ACTR5: variants seen among roughly 807,000 people sequenced by gnomAD.
The protein encoded by ACTR5 is actin related protein 5.
ACTR5 carries 43 observed loss-of-function variants against 61.2 expected under a neutral mutation model. That is an observed-to-expected ratio of 0.70 (90% CI 0.55 to 0.91). ACTR5 has a LOEUF of 0.91. Ranked by LOEUF, ACTR5 falls within the 40% of genes least tolerant of loss-of-function variation. The pLI is 0.00. For synonymous variants in ACTR5, 333 were observed against 310.5 expected, an observed-to-expected ratio of 1.07 and a Z score of -0.76; for missense variants, 798 against 782.2, an observed-to-expected ratio of 1.02 and a Z score of -0.24.
chr20:38,762,010 C>A (rs893020257), intron 5 of ACTR5, among the ~76,000 whole-genome samples: 5 of 152,186 alleles, frequency 3.3e-5, no homozygotes, highest in Admixed American at 2.0e-4. Context: ...GCTACAAAAA[C>A]CATTCCAAAC....
In ACTR5 at chr20:38,771,824, C is replaced by G. The variant is rs2084522093; in HGVS notation, c.*8C>G. On this transcript the variant is annotated 3_prime_UTR_variant, in exon 9 of 9. Coordinates refer to ENST00000243903, the MANE Select transcript of ACTR5 (RefSeq NM_024855.4). ...GCTGGTGAGCAGGCATAGCAGAGGC[C>G]CTCCAGAGAGACTGCCCTGCACGCC... 6.2e-7 allele frequency: 1 copy of G among 1,607,466 alleles called. No individual in the cohort carries two copies. The highest frequency in any genetic ancestry group is 8.5e-7 in the Non-Finnish European group (1 of 1,178,398).
At chr20:38,765,770 A>T (rs1052056334) in intron 6 of ACTR5, among the ~76,000 whole-genome samples, 10 of 152,206 alleles carry the variant, frequency 6.6e-5, no homozygotes, top group African/African-American at 2.2e-4. Context: ...GGAACTTGAG[A>T]TCTGAATACT....
intron 5 of ACTR5, among the ~76,000 whole-genome samples, chr20:38,759,387 A>G (rs2084440202): frequency 6.6e-6 from 1 of 152,370 alleles, no homozygotes; most frequent in Non-Finnish European, 1.5e-5. Flanking sequence ...GAGAGAAGCC[A>G]GCCGTGGCAG....
chr20:38,753,751 T>TTA, intron 3 of ACTR5, among the ~76,000 whole-genome samples: 1 of 152,330 alleles, frequency 6.6e-6, no homozygotes, highest in Non-Finnish European at 1.5e-5. Context: ...ACTAAACCAT[T>TTA]TATAATTAGT....
chr20:38,758,845 T>C (rs377226045), intron 5 of ACTR5, among the ~76,000 whole-genome samples: 9 of 152,328 alleles, frequency 5.9e-5, no homozygotes, highest in African/African-American at 1.2e-4. Flanking sequence ...TTAGAATGAA[T>C]TGAATCAATA....
At chr20:38,755,336 A>C (rs2084413738) in intron 4 of ACTR5, among the ~76,000 whole-genome samples, 162 bp downstream of exon 4, 1 of 152,236 alleles carries the variant, frequency 6.6e-6, no homozygotes, top group South Asian at 2.1e-4. Context: ...TACAGTGTAG[A>C]AGCAGCTGTT....
At position 38,748,725 on chromosome 20, in the gene ACTR5, G is replaced by A. The variant is rs777873145; in HGVS notation, c.247G>A (p.Ala83Thr). 3 of 1,563,474 alleles carry A rather than the reference G, an allele frequency of 1.9e-6. No homozygotes were observed. Among genetic ancestry groups the A allele is most frequent in the South Asian group, 1.2e-5 (1 of 86,124 alleles). The change falls in exon 1 of 9, where the codon GCT (alanine) becomes ACT (threonine). Residue 83 changes from alanine to threonine, a missense_variant. Ala to Thr is a moderately conservative substitution (Grantham distance 58). Transcript: ENST00000243903. ...RGASGPQVGN[A>T]LGSLEPLRWM... ...CGCGTCGGGCCCGCAGGTGGGGAAC[G>A]CTCTGGGCAGCCTGGAGCCACTGCG...
In ACTR5 at chr20:38,759,220, T is replaced by G. The variant is rs147720009; in HGVS notation, c.1176+3181T>G. ...GCCAAGATCAGGGTTGGCCTCTGCT[T>G]CTTCTTATGCCGCTCAAGGCTGTTT... On this transcript the variant is annotated intron_variant, in intron 5 of 8. Coordinates refer to ENST00000243903, the MANE Select transcript of ACTR5 (RefSeq NM_024855.4). Among the ~76,000 whole-genome samples, 416 of 152,340 alleles carry G rather than the reference T, an allele frequency of 2.7e-3. 2 individuals are homozygous for G. Among genetic ancestry groups the G allele is most frequent in the Non-Finnish European group, 4.8e-3 (326 of 68,038 alleles).
Position 38,756,045 on chromosome 20 carries a change from T to C in ACTR5, c.1176+6T>C. ...TGGTAGACAGCAAGCCAGAGGTAAC[T>C]TAGGGCCTTGGAAGGAGCAGCCCTT... On this transcript the variant is annotated splice_donor_region_variant and intron_variant, in intron 5 of 8. Transcript: ENST00000243903. 6.2e-7 allele frequency: 1 copy of C among 1,609,400 alleles called. No homozygotes were observed. Among genetic ancestry groups the C allele is most frequent in the Non-Finnish European group, 8.5e-7 (1 of 1,178,700 alleles).
rs1370365616 is a variant in ACTR5 at position 38,771,708 on chromosome 20, C to T, written c.1716C>T (p.Asn572=). ...ACCTCAAGGAGCACTGTGCTTCCAA[C>T]ATCTATGTCCCCATCCGCCTGCCGA... is the stretch of plus-strand genomic sequence containing the variant. ...GEYLKEHCAS[N]IYVPIRLPKQ... Residue 572 remains asparagine (N), a synonymous_variant, in exon 9 of 9, where the codon AAC becomes AAT. Coordinates refer to ENST00000243903, the MANE Select transcript of ACTR5 (RefSeq NM_024855.4). 6.2e-7 allele frequency: 1 copy of T among 1,614,112 alleles called. No homozygotes were observed. The highest frequency in any genetic ancestry group is 8.5e-7 in the Non-Finnish European group (1 of 1,180,038).
chr20:38,749,099 C>T (rs892806176), intron 1 of ACTR5, among the ~76,000 whole-genome samples: 12 of 152,202 alleles, frequency 7.9e-5, no homozygotes, highest in Admixed American at 3.9e-4. Flanking sequence ...ACGTATTGAG[C>T]ACTTACTCTG....
intron 5 of ACTR5, among the ~76,000 whole-genome samples, chr20:38,757,302 C>T (rs948426650): frequency 6.6e-6 from 1 of 152,164 alleles, no homozygotes; most frequent in African/African-American, 2.4e-5. Context: ...GGGCAGCCTG[C>T]AGGTCACTCC....
At chr20:38,766,105 G>A in intron 6 of ACTR5, 133 bp from the exon 7 acceptor site, 1 of 962,490 alleles carries the variant, frequency 1.0e-6, no homozygotes, top group Non-Finnish European at 1.5e-6. Flanking sequence ...GGTCAAGAGA[G>A]TTGGGAGAAG....
In ACTR5 at chr20:38,771,724, C is replaced by G. The variant is rs377609885; in HGVS notation, c.1732C>G (p.Arg578Gly). ...HCASNIYVPIRLPKQASRSSD... is the reference protein window; with the variant it reads ...HCASNIYVPIGLPKQASRSSD... ...TGCTTCCAACATCTATGTCCCCATC[C>G]GCCTGCCGAAGCAGGCCTCCCGCTC... The change falls in exon 9 of 9, where the codon CGC becomes GGC. Residue 578 changes from arginine (R) to glycine (G), a missense_variant. Physicochemically the swap from Arg to Gly is moderately radical, Grantham distance 125. Coordinates refer to ENST00000243903, the MANE Select transcript of ACTR5 (RefSeq NM_024855.4). 3 of 1,614,178 alleles carry G rather than the reference C, an allele frequency of 1.9e-6. No homozygotes were observed. Among genetic ancestry groups the G allele is most frequent in the Admixed American group, 1.7e-5 (1 of 60,020 alleles).
intron 6 of ACTR5, among the ~76,000 whole-genome samples, 162 bp downstream of exon 6, chr20:38,765,680 T>G (rs1282746813): frequency 6.6e-6 from 1 of 152,238 alleles, no homozygotes; most frequent in Non-Finnish European, 1.5e-5. Context: ...CCCCGGTGAT[T>G]GATCGATTGG....
intron 8 of ACTR5, among the ~76,000 whole-genome samples, 180 bp from the exon 9 acceptor site, chr20:38,771,379 G>A (rs150868322): frequency 6.6e-6 from 1 of 152,336 alleles, no homozygotes; most frequent in African/African-American, 2.4e-5. Flanking sequence ...GGAGAGTCTG[G>A]GCATTCCAGC....
intron 4 of ACTR5, 150 bp downstream of exon 4, chr20:38,755,324 A>G (rs1182538373): frequency 1.3e-6 from 1 of 790,482 alleles, no homozygotes; most frequent in East Asian, 2.7e-5. Context: ...ATCAGCATAG[A>G]ATACAGTGTA....
At chr20:38,769,601 A>G (rs948202039) in intron 8 of ACTR5, among the ~76,000 whole-genome samples, 2 of 152,108 alleles carry the variant, frequency 1.3e-5, no homozygotes. Flanking sequence ...TTCCATTTCC[A>G]GGGTGGGTTG....
At chr20:38,762,006 A>C (rs2084457905) in intron 5 of ACTR5, among the ~76,000 whole-genome samples, 1 of 152,226 alleles carries the variant, frequency 6.6e-6, no homozygotes, top group African/African-American at 2.4e-5. Context: ...TATTGCTACA[A>C]AAACCATTCC....
Sources: gnomAD v4.1 joint callset for allele counts (sites outside exome capture counted in the v4.1 genomes callset) on GRCh38, gnomAD v4.1.1 for gene constraint, MANE v1.5 for transcripts, NCBI Gene and HGNC (gene_info 2026-07-23, HGNC 2026-07-21) for gene names.